DENND1A: variants seen among roughly 807,000 people sequenced by gnomAD.
DENND1A encodes the protein DENN domain-containing protein 1A.
In DENND1A, 51 loss-of-function variants were observed where a neutral mutation model predicts 113.7. The ratio of observed to expected loss-of-function variants is 0.45; its 90% confidence interval spans 0.36 to 0.57. The LOEUF (loss-of-function observed/expected upper bound fraction) is 0.57. DENND1A is among the 20% of genes least tolerant of loss of function. The probability of loss-of-function intolerance (pLI) is 0.00; values close to 1 mark genes in which losing one functional copy is unlikely to be tolerated. For missense variants in DENND1A, 1,258 were observed against 1,395.9 expected (o/e 0.90, Z 1.57); for synonymous variants, 565 against 570.8 (o/e 0.99, Z 0.14).
At chr9:123,417,687 G>C (rs1249423183) in intron 19 of DENND1A, among the ~76,000 whole-genome samples, 1 of 152,228 alleles carries the variant, frequency 6.6e-6, no homozygotes, top group Non-Finnish European at 1.5e-5. Context: ...GCTGATGAGA[G>C]AGTAACTGTC....
intron 13 of DENND1A, among the ~76,000 whole-genome samples, chr9:123,539,949 T>C (rs1409688837): frequency 6.6e-6 from 1 of 152,090 alleles, no homozygotes; most frequent in Admixed American, 6.5e-5. Flanking sequence ...TTTTATTTTA[T>C]AATAAATAGA....
chr9:123,724,911 T>C (rs2067594407), intron 5 of DENND1A, among the ~76,000 whole-genome samples: 1 of 152,248 alleles, frequency 6.6e-6, no homozygotes, highest in South Asian at 2.1e-4. Context: ...TAAATTGGCT[T>C]CTAATGATAC....
rs181739525 is a variant in DENND1A, at chr9:123,860,190, A to T, written c.88+18761T>A. On this transcript the variant is annotated intron_variant, in intron 2 of 23. Transcript: ENST00000394215. ...GTCTCTAAATACTTTAGGGAAACTGAGGTAGGTCAATAAGCCCTTAGAACA... is the reference window on the plus strand; with the variant it reads ...GTCTCTAAATACTTTAGGGAAACTGTGGTAGGTCAATAAGCCCTTAGAACA... 7.6e-4 allele frequency among the ~76,000 whole-genome samples: 116 copies of T among 152,340 alleles called. 1 individual carries two copies. The highest frequency in any genetic ancestry group is 2.7e-3 in the African/African-American group (112 of 41,576).
chr9:123,388,199 A>G (rs933864431), intron 21 of DENND1A, among the ~76,000 whole-genome samples: 9 of 152,236 alleles, frequency 5.9e-5, no homozygotes, highest in Non-Finnish European at 1.0e-4. Flanking sequence ...GTCAGCAACA[A>G]CTAGCTGGTG....
At chr9:123,519,585 A>C (rs1034322392) in intron 13 of DENND1A, among the ~76,000 whole-genome samples, 4 of 152,060 alleles carry the variant, frequency 2.6e-5, no homozygotes, top group African/African-American at 7.2e-5. Context: ...TTACAGGCTA[A>C]TTTTTATATT....
intron 5 of DENND1A, among the ~76,000 whole-genome samples, chr9:123,698,602 T>C (rs1012766114): frequency 3.3e-5 from 5 of 152,246 alleles, no homozygotes; most frequent in Non-Finnish European, 5.9e-5. Context: ...TACAGACTAC[T>C]AAAGTTGTTT....
intron 2 of DENND1A, among the ~76,000 whole-genome samples, chr9:123,817,384 T>C (rs1837674257): frequency 1.3e-5 from 2 of 152,152 alleles, no homozygotes; most frequent in Non-Finnish European, 2.9e-5. Flanking sequence ...AAGGAAACAA[T>C]AGACACTTTT....
chr9:123,816,451 C>G (rs923295762), intron 2 of DENND1A, among the ~76,000 whole-genome samples: 1 of 152,174 alleles, frequency 6.6e-6, no homozygotes, highest in African/African-American at 2.4e-5. Flanking sequence ...GTGATATAGG[C>G]TTCCTGGTCT....
intron 1 of DENND1A, among the ~76,000 whole-genome samples, chr9:123,904,398 C>T (rs1420410074): frequency 6.6e-6 from 1 of 151,580 alleles, no homozygotes; most frequent in African/African-American, 2.4e-5. Context: ...GAGAAGAAGG[C>T]TTCAGACGAT....
intron 2 of DENND1A, among the ~76,000 whole-genome samples, chr9:123,870,433 C>G (rs970669504): frequency 2.7e-5 from 4 of 150,112 alleles, no homozygotes; most frequent in Non-Finnish European, 5.9e-5. Context: ...CCATGCCCGG[C>G]TAATTTTTTT....
chr9:123,857,698 T>C (rs1844421979), intron 2 of DENND1A, among the ~76,000 whole-genome samples: 1 of 152,200 alleles, frequency 6.6e-6, no homozygotes, highest in African/African-American at 2.4e-5. Flanking sequence ...TTGAGGCTTG[T>C]AACCTTCAAA....
At chr9:123,770,807 T>C (rs1009767445) in intron 3 of DENND1A, among the ~76,000 whole-genome samples, 2 of 152,214 alleles carry the variant, frequency 1.3e-5, no homozygotes, top group Admixed American at 1.3e-4. Flanking sequence ...TTCTAACCAA[T>C]AATAATGAAT....
At chr9:123,625,095 T>C (rs1286242924) in intron 10 of DENND1A, among the ~76,000 whole-genome samples, 1 of 152,238 alleles carries the variant, frequency 6.6e-6, no homozygotes, top group African/African-American at 2.4e-5. Context: ...TCTATATGTA[T>C]ACATATATAC....
At chr9:123,629,504 AC>A (rs1398385099) in intron 10 of DENND1A, among the ~76,000 whole-genome samples, 5 of 152,272 alleles carry the variant, frequency 3.3e-5, no homozygotes, top group Non-Finnish European at 7.3e-5. Flanking sequence ...TTTCTGAGCT[AC>A]CATGAGCCAG....
intron 20 of DENND1A, among the ~76,000 whole-genome samples, chr9:123,408,608 G>A (rs2044068737): frequency 6.6e-6 from 1 of 152,154 alleles, no homozygotes; most frequent in African/African-American, 2.4e-5. Flanking sequence ...AAGCCTAGGA[G>A]AGCTGGTTCT....
At chr9:123,898,219 T>C (rs1386538069) in intron 1 of DENND1A, among the ~76,000 whole-genome samples, 1 of 152,208 alleles carries the variant, frequency 6.6e-6, no homozygotes, top group African/African-American at 2.4e-5. Flanking sequence ...GCACTTATTT[T>C]CCATTTGTAT....
At chr9:123,404,561 C>T (rs900073567) in intron 20 of DENND1A, among the ~76,000 whole-genome samples, 43 of 147,650 alleles carry the variant, frequency 2.9e-4, no homozygotes, top group African/African-American at 7.8e-4. Flanking sequence ...ACCTCCTGCC[C>T]ACCCTTTGAG....
chr9:123,383,663 C>T lies in DENND1A; in HGVS notation c.2011G>A (p.Asp671Asn). ...CCTTGCCCATGCCATACCTGATAGT[C>T]AAAGGTCCCTGGCTGCTCCCTCAGG... ...KDLREQPGTFDYQRLDLGGSE... is the reference protein window; with the variant it reads ...KDLREQPGTFNYQRLDLGGSE... The change falls in exon 23 of 24, where the codon GAC becomes AAC. Residue 671 changes from aspartate to asparagine, a missense_variant. Asp to Asn is a conservative substitution (Grantham distance 23). This residue lies in a region of DENND1A where 1,159 missense variants were observed against 1,231.7 expected (regional missense o/e 0.94). Coordinates refer to ENST00000394215, the MANE Select transcript of DENND1A (RefSeq NM_001352964.2). The T allele has an allele frequency of 6.2e-7, 1 of 1,613,346 alleles. No homozygotes were observed. Among genetic ancestry groups the T allele is most frequent in the Non-Finnish European group, 8.5e-7 (1 of 1,179,598 alleles).
chr9:123,779,653 C>T (rs570651847), intron 3 of DENND1A, among the ~76,000 whole-genome samples: 11 of 152,172 alleles, frequency 7.2e-5, no homozygotes, highest in Middle Eastern at 3.4e-3. Context: ...GCGCGGACTA[C>T]CACGCTTGGC....
Sources: allele counts gnomAD v4.1 joint callset (sites outside exome capture counted in the v4.1 genomes callset), GRCh38; gene constraint gnomAD v4.1.1; regional missense constraint gnomAD v4.1.1; transcripts MANE v1.5; gene names NCBI Gene and HGNC (gene_info 2026-07-23, HGNC 2026-07-21).